TENM2: variants seen among roughly 807,000 people sequenced by gnomAD.
TENM2 encodes teneurin-2.
TENM2 carries 52 observed loss-of-function variants against 245.2 expected under a neutral mutation model. The ratio of observed to expected loss-of-function variants is 0.21; its 90% CI spans 0.17 to 0.27. The LOEUF (loss-of-function observed/expected upper bound fraction) is 0.27, where lower values mean the gene tolerates loss of function less well. Ranked by LOEUF, TENM2 falls within the 10% of genes least tolerant of loss-of-function variation. The pLI is 1.00. For missense variants in TENM2, 3,046 were observed against 3,666.8 expected, an observed-to-expected ratio of 0.83 and a Z score of 4.37; for synonymous variants, 1,363 against 1,438.9, an observed-to-expected ratio of 0.95 and a Z score of 1.19.
At chr5:167,072,538 A>G in the TENM2 span, among the ~76,000 whole-genome samples, 5 of 152,360 alleles carry the variant, frequency 3.3e-5, no homozygotes, top group South Asian at 2.1e-4. Flanking sequence ...TGACAAGGAC[A>G]GCAGACATGT....
At chr5:167,727,124 T>C (rs1335277000) in intron 2 of TENM2, among the ~76,000 whole-genome samples, 1 of 146,788 alleles carries the variant, frequency 6.8e-6, no homozygotes, top group Non-Finnish European at 1.5e-5. Flanking sequence ...TTTTTTTTTT[T>C]TTTGAGATGG....
At chr5:167,400,456 G>A (rs926730234) in intron 2 of TENM2, among the ~76,000 whole-genome samples, 1 of 152,088 alleles carries the variant, frequency 6.6e-6, no homozygotes, top group African/African-American at 2.4e-5. Flanking sequence ...CTGGGAAACA[G>A]GAAGTTTGGT....
At chr5:166,986,509 G>T in the TENM2 span, among the ~76,000 whole-genome samples, 1 of 152,132 alleles carries the variant, frequency 6.6e-6, no homozygotes, top group Admixed American at 6.5e-5. Flanking sequence ...GGCAAGGTTA[G>T]ATTGTTATAA....
chr5:167,042,548 C>T, the TENM2 span, among the ~76,000 whole-genome samples: 10 of 152,060 alleles, frequency 6.6e-5, no homozygotes, highest in Non-Finnish European at 1.2e-4. Context: ...CTTAGAACCA[C>T]GAATTATAAT....
chr5:167,148,695 T>C, the TENM2 span, among the ~76,000 whole-genome samples: 1 of 152,146 alleles, frequency 6.6e-6, no homozygotes, highest in Non-Finnish European at 1.5e-5. Flanking sequence ...TAAAAAGGGA[T>C]TCCAATATTG....
chr5:167,331,930 T>TA (rs1030882219), intron 1 of TENM2, among the ~76,000 whole-genome samples: 47 of 152,058 alleles, frequency 3.1e-4, no homozygotes, highest in Non-Finnish European at 5.1e-4. Context: ...GAAAATGCAG[T>TA]AAAAAAATCA....
At chr5:167,699,308 A>G (rs1757992509) in intron 2 of TENM2, among the ~76,000 whole-genome samples, 1 of 152,094 alleles carries the variant, frequency 6.6e-6, no homozygotes, top group East Asian at 1.9e-4. Context: ...AATAAAATGA[A>G]TAATTTGATC....
At chr5:168,112,001 T>A (rs1325968136) in intron 9 of TENM2, among the ~76,000 whole-genome samples, 1 of 152,170 alleles carries the variant, frequency 6.6e-6, no homozygotes, top group Non-Finnish European at 1.5e-5. Context: ...GAGAAAAAAA[T>A]ATTTCTTCCC....
At chr5:167,586,587 C>T (rs190398963) in intron 2 of TENM2, among the ~76,000 whole-genome samples, 2 of 152,278 alleles carry the variant, frequency 1.3e-5, no homozygotes, top group East Asian at 3.9e-4. Flanking sequence ...TGAATCCACT[C>T]CTATGTCTTA....
At chr5:167,361,676 T>G (rs1759728559) in intron 1 of TENM2, among the ~76,000 whole-genome samples, 4 of 152,248 alleles carry the variant, frequency 2.6e-5, no homozygotes, top group Admixed American at 6.5e-5. Flanking sequence ...CACATTTAAC[T>G]CTGTCAACAG....
At chr5:167,618,945 CT>C in intron 2 of TENM2, among the ~76,000 whole-genome samples, 1 of 152,212 alleles carries the variant, frequency 6.6e-6, no homozygotes, top group South Asian at 2.1e-4. Flanking sequence ...GAAGACAGGT[CT>C]TTGAGTAGTG....
intron 13 of TENM2, among the ~76,000 whole-genome samples, chr5:168,188,367 G>A (rs1351385430): frequency 6.6e-6 from 1 of 152,182 alleles, no homozygotes; most frequent in Non-Finnish European, 1.5e-5. Flanking sequence ...GTGCAAGCAA[G>A]TTATTCTCCA....
intron 2 of TENM2, among the ~76,000 whole-genome samples, chr5:167,640,475 A>G (rs1029795660): frequency 3.3e-5 from 5 of 151,908 alleles, no homozygotes; most frequent in African/African-American, 1.2e-4. Context: ...AAAATTAGCC[A>G]GGTGTGGTGG....
chr5:168,251,047 A>C (rs1581770368), intron 27 of TENM2, among the ~76,000 whole-genome samples: 1 of 152,172 alleles, frequency 6.6e-6, no homozygotes, highest in Admixed American at 6.5e-5. Flanking sequence ...CAGAGACAGG[A>C]AACTGTGAAT....
chr5:166,989,242 C>G, the TENM2 span, among the ~76,000 whole-genome samples: 1 of 144,462 alleles, frequency 6.9e-6, no homozygotes, highest in Non-Finnish European at 1.5e-5. Context: ...TGCCACCACA[C>G]CAAGCTAATC....
chr5:167,970,406 ATTGTC>A (rs1463999261), intron 4 of TENM2, among the ~76,000 whole-genome samples: 6 of 152,166 alleles, frequency 3.9e-5, no homozygotes, highest in Non-Finnish European at 8.8e-5. Flanking sequence ...ATGCTCATTT[ATTGTC>A]TTACTAACCA....
At chr5:167,892,815 T>C (rs1162532606) in intron 3 of TENM2, among the ~76,000 whole-genome samples, 1 of 152,224 alleles carries the variant, frequency 6.6e-6, no homozygotes, top group African/African-American at 2.4e-5. Context: ...CTCTGTGTTT[T>C]AGTTTCACCA....
the TENM2 span, among the ~76,000 whole-genome samples, chr5:167,156,985 C>T: frequency 2.6e-5 from 4 of 152,176 alleles, no homozygotes; most frequent in East Asian, 1.9e-4. Context: ...TGCAAACCCA[C>T]ATTTTTTTTA....
chr5:167,115,672 A>T, the TENM2 span, among the ~76,000 whole-genome samples: 1 of 152,240 alleles, frequency 6.6e-6, no homozygotes, highest in African/African-American at 2.4e-5. Context: ...TCCATGCATT[A>T]TTTGGGAATC....
Sources: allele counts gnomAD v4.1 joint callset (sites outside exome capture counted in the v4.1 genomes callset), GRCh38; gene constraint gnomAD v4.1.1; transcripts MANE v1.5; gene names NCBI Gene and HGNC (gene_info 2026-07-23, HGNC 2026-07-21).